Variants in DNM3 observed in about 807,000 individuals in gnomAD.
The protein encoded by DNM3 is dynamin-3.
DNM3 carries 47 observed loss-of-function variants against 101.6 expected under a neutral mutation model. The ratio of observed to expected loss-of-function variants is 0.46; its 90% CI spans 0.37 to 0.59. The LOEUF (loss-of-function observed/expected upper bound fraction) is 0.59. DNM3 is among the 20% of genes least tolerant of loss of function. DNM3 has a pLI of 0.00. For synonymous variants in DNM3, 385 were observed against 387.9 expected, an observed-to-expected ratio of 0.99 and a Z score of 0.09; for missense variants, 849 against 1,085.7, an observed-to-expected ratio of 0.78 and a Z score of 3.06.
chr1:172,181,168 A>G (rs533147570), intron 14 of DNM3, among the ~76,000 whole-genome samples: 2 of 152,184 alleles, frequency 1.3e-5, no homozygotes, highest in South Asian at 2.1e-4. Flanking sequence ...TAAAATAAAG[A>G]TGCTTCTCCA....
chr1:172,066,332 G>T (rs776290875), intron 10 of DNM3, among the ~76,000 whole-genome samples: 2 of 152,144 alleles, frequency 1.3e-5, no homozygotes, highest in East Asian at 3.8e-4. Context: ...TACAGAAAAG[G>T]TATTTATTTC....
intron 14 of DNM3, among the ~76,000 whole-genome samples, chr1:172,183,761 C>A: frequency 7.2e-6 from 1 of 138,956 alleles, no homozygotes; most frequent in African/African-American, 2.8e-5. Flanking sequence ...CCACCATGCC[C>A]AGCTAATTTT....
At chr1:171,940,591 A>G (rs1397879461) in intron 2 of DNM3, among the ~76,000 whole-genome samples, 2 of 152,218 alleles carry the variant, frequency 1.3e-5, no homozygotes, top group African/African-American at 2.4e-5. Context: ...TACAAGCACT[A>G]TAAAAAGTTG....
At chr1:172,412,807 T>G, downstream of DNM3, 1 of 916,742 alleles carries the variant, frequency 1.1e-6, no homozygotes, top group African/African-American at 1.8e-5. Flanking sequence ...CTCTTTTGAT[T>G]AAATTGTCCC....
intron 14 of DNM3, among the ~76,000 whole-genome samples, chr1:172,159,911 G>A (rs192222424): frequency 1.7e-4 from 26 of 151,866 alleles, no homozygotes; most frequent in African/African-American, 6.0e-4. Flanking sequence ...ATATACCTAG[G>A]CTATATGGTA....
chr1:172,311,209 G>A (rs141576756), intron 16 of DNM3: 146 of 152,098 alleles, frequency 9.6e-4, no homozygotes, highest in African/African-American at 3.5e-3. Context: ...ACAGCTAGGG[G>A]AAGGTTGAAA....
chr1:172,185,702 A>T (rs187154342), intron 14 of DNM3, among the ~76,000 whole-genome samples: 1 of 152,250 alleles, frequency 6.6e-6, no homozygotes, highest in East Asian at 1.9e-4. Flanking sequence ...TCTATTGTAA[A>T]TGTATTGCAA....
At chr1:172,196,136 G>A (rs1345561991) in intron 14 of DNM3, among the ~76,000 whole-genome samples, 6 of 151,302 alleles carry the variant, frequency 4.0e-5, no homozygotes, top group Admixed American at 6.6e-5. Context: ...AGCTCCCACC[G>A]ATAAGTGAGA....
At chr1:172,171,619 G>C (rs577626928) in intron 14 of DNM3, among the ~76,000 whole-genome samples, 1 of 151,820 alleles carries the variant, frequency 6.6e-6, no homozygotes, top group East Asian at 1.9e-4. Flanking sequence ...CTGCTGTGCA[G>C]AAAGACCTCA....
intron 13 of DNM3, among the ~76,000 whole-genome samples, chr1:172,122,176 G>A (rs2056363453): frequency 6.6e-6 from 1 of 152,058 alleles, no homozygotes; most frequent in African/African-American, 2.4e-5. Context: ...GGAAATGGAA[G>A]GAGGAAATAA....
At chr1:172,303,372 T>C (rs1217312175) in intron 15 of DNM3, among the ~76,000 whole-genome samples, 2 of 152,070 alleles carry the variant, frequency 1.3e-5, no homozygotes, top group East Asian at 3.8e-4. Flanking sequence ...CAAAGAAATA[T>C]AGGACTGTGT....
At chr1:172,215,887 G>T (rs1014737679) in intron 14 of DNM3, among the ~76,000 whole-genome samples, 45 of 150,566 alleles carry the variant, frequency 3.0e-4, no homozygotes, top group African/African-American at 1.1e-3. Context: ...ATCCTAAAGA[G>T]TTATAAAGCC....
intron 15 of DNM3, among the ~76,000 whole-genome samples, chr1:172,266,231 A>C (rs760644507): frequency 6.6e-6 from 1 of 152,164 alleles, no homozygotes; most frequent in Non-Finnish European, 1.5e-5. Context: ...TTTCTATACT[A>C]AGACATGCTC....
At chr1:172,010,771 CAATT>C (rs2047072426) in intron 4 of DNM3, among the ~76,000 whole-genome samples, 1 of 148,276 alleles carries the variant, frequency 6.7e-6, no homozygotes, top group Non-Finnish European at 1.5e-5. Flanking sequence ...TAGTTTTCAT[CAATT>C]ATTTTTTCTT....
At chr1:171,854,445 G>T (rs554053514) in intron 1 of DNM3, among the ~76,000 whole-genome samples, 1 of 152,222 alleles carries the variant, frequency 6.6e-6, no homozygotes, top group South Asian at 2.1e-4. Flanking sequence ...CAGAATTTGG[G>T]TGCCTTTAGA....
At chr1:172,169,975 CT>C (rs2058891206) in intron 14 of DNM3, among the ~76,000 whole-genome samples, 1 of 151,784 alleles carries the variant, frequency 6.6e-6, no homozygotes, top group Non-Finnish European at 1.5e-5. Context: ...AAAGAAATCC[CT>C]TGAAGCTCTG....
intron 10 of DNM3, among the ~76,000 whole-genome samples, chr1:172,056,420 C>G (rs939528099): frequency 6.6e-5 from 10 of 152,212 alleles, no homozygotes; most frequent in Non-Finnish European, 1.2e-4. Flanking sequence ...ACAGCAGTAA[C>G]CTCTGCAGAC....
Position 171,987,761 on chromosome 1 carries a change from G to T in DNM3, c.341G>T (p.Gly114Val), listed in dbSNP as rs538785687. ...ETDRVTGMNKGISSIPINLRV... is the reference protein window; with the variant it reads ...ETDRVTGMNKVISSIPINLRV... ...GATCGCGTGACTGGAATGAATAAAGGCATTTCCTCCATACCCATTAATTTA... is the reference window on the plus strand; with the variant it reads ...GATCGCGTGACTGGAATGAATAAAGTCATTTCCTCCATACCCATTAATTTA... Residue 114 changes from glycine (G) to valine (V), a missense_variant, in exon 3 of 21, where the codon GGC (glycine) becomes GTC (valine). Gly to Val is a moderately radical substitution (Grantham distance 109). Around this residue, in one of 5 missense-constraint regions of DNM3, gnomAD observed 388 missense variants for 483.0 expected, o/e 0.80. Transcript: ENST00000627582. 2.5e-6 allele frequency: 4 copies of T among 1,600,960 alleles called. No individual in the cohort carries two copies. In the Admixed American group the frequency reaches 7.0e-5, roughly 28 times the overall value.
At chr1:172,319,708 C>G (rs1487778288) in intron 16 of DNM3, among the ~76,000 whole-genome samples, 2 of 152,152 alleles carry the variant, frequency 1.3e-5, no homozygotes, top group African/African-American at 2.4e-5. Context: ...GTTAGAATGG[C>G]AATCATTAAA....
Sources: gnomAD v4.1 joint callset for allele counts (sites outside exome capture counted in the v4.1 genomes callset) on GRCh38, gnomAD v4.1.1 for gene constraint, gnomAD v4.1.1 regional missense constraint, MANE v1.5 for transcripts, NCBI Gene and HGNC (gene_info 2026-07-23, HGNC 2026-07-21) for gene names.